FMNL2: variants seen among roughly 807,000 people sequenced by gnomAD.
FMNL2 encodes the protein formin-like protein 2.
A neutral mutation model predicts 130.2 loss-of-function variants in FMNL2; 51 were observed. That is an observed-to-expected ratio of 0.39 (90% CI 0.31 to 0.49). The LOEUF is 0.49. Among genes scored for constraint, FMNL2 ranks in the 20% least tolerant of loss-of-function variants. The pLI, the probability that FMNL2 is intolerant of heterozygous loss-of-function variation, is 0.85. For synonymous variants in FMNL2, 465 were observed against 467.1 expected (o/e 1.00, Z 0.06); for missense variants, 977 against 1,316.2 (o/e 0.74, Z 3.99).
chr2:152,395,156 C>T (rs1189542554), intron 1 of FMNL2, among the ~76,000 whole-genome samples: 1 of 152,198 alleles, frequency 6.6e-6, no homozygotes, highest in Non-Finnish European at 1.5e-5. Context: ...AGTAGACAGT[C>T]CCACTGCAGA....
At chr2:152,497,977 T>A (rs970358496) in intron 1 of FMNL2, among the ~76,000 whole-genome samples, 7 of 152,166 alleles carry the variant, frequency 4.6e-5, no homozygotes, top group African/African-American at 1.7e-4. Flanking sequence ...CTCTCCCTGG[T>A]TTGTCTCTTA....
intron 21 of FMNL2, among the ~76,000 whole-genome samples, chr2:152,635,116 T>G (rs1016956449): frequency 6.6e-6 from 1 of 152,128 alleles, no homozygotes; most frequent in African/African-American, 2.4e-5. Context: ...TTTTAAAAAG[T>G]TTTCTCTCAG....
intron 1 of FMNL2, among the ~76,000 whole-genome samples, chr2:152,420,473 A>G (rs1686850008): frequency 6.6e-6 from 1 of 152,220 alleles, no homozygotes; most frequent in Non-Finnish European, 1.5e-5. Flanking sequence ...TCGGTTTCTG[A>G]GTATGATCTG....
At chr2:152,454,120 A>AC (rs1688813887) in intron 1 of FMNL2, among the ~76,000 whole-genome samples, 1 of 127,216 alleles carries the variant, frequency 7.9e-6, no homozygotes, top group Non-Finnish European at 1.6e-5. Flanking sequence ...CTAAAAATAC[A>AC]AAAAAATTTA....
intron 1 of FMNL2, among the ~76,000 whole-genome samples, chr2:152,348,259 T>A (rs1455434080): frequency 6.6e-6 from 1 of 152,250 alleles, no homozygotes. Flanking sequence ...GATGCTTTCA[T>A]ATGTAGCTTT....
intron 2 of FMNL2, among the ~76,000 whole-genome samples, chr2:152,539,607 A>G (rs894910879): frequency 2.0e-5 from 3 of 152,270 alleles, no homozygotes; most frequent in African/African-American, 7.2e-5. Flanking sequence ...AATATGTGGA[A>G]TACAACGACA....
chr2:152,412,162 A>G (rs1450513756), intron 1 of FMNL2, among the ~76,000 whole-genome samples: 1 of 151,958 alleles, frequency 6.6e-6, no homozygotes. Flanking sequence ...TATAAATGAG[A>G]CTGGCTTTTT....
intron 1 of FMNL2, among the ~76,000 whole-genome samples, chr2:152,474,069 G>A (rs112747845): frequency 0.025 from 3,742 of 152,112 alleles, 166 homozygotes; most frequent in African/African-American, 0.086. Context: ...TAGAGATAGC[G>A]TTTTGCTATA....
At chr2:152,411,102 G>GA (rs1686261263) in intron 1 of FMNL2, among the ~76,000 whole-genome samples, 1 of 152,090 alleles carries the variant, frequency 6.6e-6, no homozygotes, top group Non-Finnish European at 1.5e-5. Flanking sequence ...TTTCCTATTA[G>GA]AAAAAACATA....
At chr2:152,488,680 CTTAA>C (rs1690975483) in intron 1 of FMNL2, among the ~76,000 whole-genome samples, 1 of 152,088 alleles carries the variant, frequency 6.6e-6, no homozygotes, top group Non-Finnish European at 1.5e-5. Context: ...AATCACAGTA[CTTAA>C]TTAATTTGCC....
intron 1 of FMNL2, among the ~76,000 whole-genome samples, chr2:152,489,878 G>A (rs1177296494): frequency 1.3e-5 from 2 of 152,130 alleles, no homozygotes; most frequent in East Asian, 3.9e-4. Flanking sequence ...AAAAAAATTT[G>A]TCAGCCAAAA....
intron 1 of FMNL2, among the ~76,000 whole-genome samples, chr2:152,348,208 T>C (rs1485122329): frequency 3.9e-5 from 6 of 152,230 alleles, no homozygotes; most frequent in Non-Finnish European, 8.8e-5. Flanking sequence ...AGGCACTTGA[T>C]TAAATATCAC....
At chr2:152,574,350 C>T (rs1473111070) in intron 6 of FMNL2, among the ~76,000 whole-genome samples, 3 of 150,252 alleles carry the variant, frequency 2.0e-5, no homozygotes, top group Non-Finnish European at 2.9e-5. Context: ...GCAGGAGAAT[C>T]GCTTGAACCT....
intron 2 of FMNL2, among the ~76,000 whole-genome samples, chr2:152,531,071 T>C (rs1693661284): frequency 6.6e-6 from 1 of 152,224 alleles, no homozygotes; most frequent in African/African-American, 2.4e-5. Flanking sequence ...AATATCCTTA[T>C]ACAGATGTTT....
chr2:152,437,881 C>G (rs1353856610), intron 1 of FMNL2, among the ~76,000 whole-genome samples: 1 of 152,198 alleles, frequency 6.6e-6, no homozygotes, highest in Admixed American at 6.5e-5. Flanking sequence ...AAGCCATTCA[C>G]TCAGTACTGT....
At chr2:152,487,941 C>T (rs1690928124) in intron 1 of FMNL2, among the ~76,000 whole-genome samples, 1 of 152,098 alleles carries the variant, frequency 6.6e-6, no homozygotes, top group African/African-American at 2.4e-5. Context: ...GCGCACACCA[C>T]CACACCAGCT....
intron 2 of FMNL2, among the ~76,000 whole-genome samples, chr2:152,540,069 G>A (rs778876236): frequency 2.8e-4 from 43 of 152,098 alleles, no homozygotes; most frequent in Non-Finnish European, 5.0e-4. Flanking sequence ...CAGCCTGGGT[G>A]ACAGAGTGAG....
In FMNL2 at chr2:152,488,286, T is replaced by C. The variant is rs73968035; in HGVS notation, c.118-33657T>C. ...GGTGGTTGTAGCAAGTGTCTTCTTA[T>C]TATTTCACAATTGAGGGCAAGAGAG... On this transcript the variant is annotated intron_variant, in intron 1 of 25. Transcript: ENST00000288670. Among the ~76,000 whole-genome samples the C allele has an allele frequency of 7.1e-3, 1,076 of 152,324 alleles. 12 individuals are homozygous for C. Among genetic ancestry groups the C allele is most frequent in the African/African-American group, 0.024 (1,013 of 41,580 alleles).
chr2:152,523,001 G>A (rs1315750549), intron 2 of FMNL2, among the ~76,000 whole-genome samples: 3 of 152,036 alleles, frequency 2.0e-5, no homozygotes, highest in Non-Finnish European at 2.9e-5. Flanking sequence ...GGACACCCCC[G>A]GGCCCCAATG....
Sources: allele counts gnomAD v4.1 joint callset (sites outside exome capture counted in the v4.1 genomes callset), GRCh38; gene constraint gnomAD v4.1.1; transcripts MANE v1.5; gene names NCBI Gene and HGNC (gene_info 2026-07-23, HGNC 2026-07-21).